PIK3R1: variants seen among roughly 807,000 people sequenced by gnomAD.
The protein encoded by PIK3R1 is phosphoinositide-3-kinase regulatory subunit 1.
A neutral mutation model predicts 98.0 loss-of-function variants in PIK3R1; 29 were observed. The observed-to-expected ratio is 0.30, with a 90% CI of 0.22 to 0.40. The LOEUF is 0.40. Among genes scored for constraint, PIK3R1 ranks in the 10% least tolerant of loss-of-function variants. PIK3R1 has a pLI of 1.00. For missense variants in PIK3R1, 596 were observed against 872.7 expected (o/e 0.68, Z 3.99); for synonymous variants, 282 against 311.8 (o/e 0.90, Z 1.01).
At chr5:68,282,821 T>C (rs1746905731) in intron 7 of PIK3R1, among the ~76,000 whole-genome samples, 2 of 152,230 alleles carry the variant, frequency 1.3e-5, no homozygotes, top group South Asian at 4.1e-4. Context: ...CCAGTATTTA[T>C]GTGGCCTCTT....
At position 68,300,793 on chromosome 5, in the gene PIK3R1, T is replaced by TA. The variant is rs550016061; in HGVS notation, c.*3193dup. ...CCTTTGAGGTTGCTTTGTTTTGTCTTACAAAGGTGAAAATTGTTTGTAAGT... is the reference window on the plus strand; with the variant it reads ...CCTTTGAGGTTGCTTTGTTTTGTCTTAACAAAGGTGAAAATTGTTTGTAAGT... On this transcript the variant is annotated 3_prime_UTR_variant, in exon 16 of 16. Transcript: ENST00000521381. The TA allele has an allele frequency of 4.3e-6, 1 of 233,170 alleles. No individual in the cohort carries two copies. The highest frequency in any genetic ancestry group is 8.5e-6 in the Non-Finnish European group (1 of 118,054). The allele number at this position is 233,170 out of a possible 1,614,324, so 14.4% of individuals were successfully genotyped here.
At chr5:68,231,480 C>G (rs1744473234) in intron 2 of PIK3R1, among the ~76,000 whole-genome samples, 1 of 152,190 alleles carries the variant, frequency 6.6e-6, no homozygotes, top group African/African-American at 2.4e-5. Flanking sequence ...CATGGTTTCC[C>G]AAGGCATGTT....
chr5:68,299,433 CG>C lies in PIK3R1; in HGVS notation c.*1839del, dbSNP rs111804580. On this transcript the variant is annotated 3_prime_UTR_variant, in exon 16 of 16. Transcript: ENST00000521381. ...TCTAATCATTGTATGTGCTTCACTA[CG>C]GGGGGGAGAAGGAAACGTTAGCATC... The C allele has an allele frequency of 9.9e-4, 230 of 233,042 alleles. 1 individual carries two copies. The highest frequency in any genetic ancestry group is 4.7e-3 in the African/African-American group (213 of 45,270). The allele number at this position is 233,042 out of a possible 1,614,324, so 14.4% of individuals were successfully genotyped here. A position where few individuals can be genotyped will look rare whatever the true frequency, so the allele number is the denominator to read the frequency against.
chr5:68,290,897 C>A, intron 7 of PIK3R1: 3 of 1,074,162 alleles, frequency 2.8e-6, no homozygotes, highest in Non-Finnish European at 4.1e-6. Context: ...TTTTCGAAAG[C>A]TACTGTAAAA....
intron 2 of PIK3R1, among the ~76,000 whole-genome samples, chr5:68,253,737 A>G (rs943614166): frequency 3.9e-5 from 6 of 152,200 alleles, no homozygotes; most frequent in African/African-American, 1.4e-4. Flanking sequence ...GAGCTTGGGG[A>G]TTGGCGAAAT....
intron 1 of PIK3R1, chr5:68,217,351 G>A (rs145717872): frequency 1.2e-4 from 18 of 152,270 alleles, no homozygotes; most frequent in African/African-American, 4.3e-4. Context: ...TGGGCAGACA[G>A]GTTCATTTCT....
intron 1 of PIK3R1, among the ~76,000 whole-genome samples, chr5:68,223,447 C>T (rs1003558857): frequency 6.6e-6 from 1 of 151,734 alleles, no homozygotes; most frequent in Non-Finnish European, 1.5e-5. Context: ...GAATTAACGT[C>T]TGCATCAATG....
At chr5:68,278,210 T>C (rs570696296) in intron 4 of PIK3R1, among the ~76,000 whole-genome samples, 1 of 152,190 alleles carries the variant, frequency 6.6e-6, no homozygotes, top group African/African-American at 2.4e-5. Context: ...TTGACCTGTT[T>C]CCCAGCTGAG....
chr5:68,286,706 G>A (rs1311314370), intron 7 of PIK3R1, among the ~76,000 whole-genome samples: 1 of 152,192 alleles, frequency 6.6e-6, no homozygotes, highest in Non-Finnish European at 1.5e-5. Flanking sequence ...CGTTGAGAGA[G>A]TACTGCTTTC....
At chr5:68,279,551 G>A in intron 4 of PIK3R1, 51 bp from the exon 5 acceptor site, 1 of 1,433,518 alleles carries the variant, frequency 7.0e-7, no homozygotes. Context: ...TAGCCCAACT[G>A]ATGTATTCTA....
chr5:68,275,546 C>G lies in PIK3R1; in HGVS notation c.502+1533C>G, dbSNP rs533900173. ...AAAAAAAAAAAAAAACTCTTCACAC[C>G]ACTCGTGAGATAGAGTCAACAACCA... On this transcript the variant is annotated intron_variant, in intron 4 of 15. Coordinates refer to ENST00000521381, the MANE Select transcript of PIK3R1 (RefSeq NM_181523.3). Among the ~76,000 whole-genome samples, 5 of 151,704 alleles carry G rather than the reference C, an allele frequency of 3.3e-5. No homozygotes were observed. In the East Asian group the frequency reaches 9.7e-4, roughly 29 times the overall value.
In PIK3R1 at chr5:68,297,643, T is replaced by TGAGCCCTTTGCTTTCCA; in HGVS notation, c.*45_*46insCCCTTTGCTTTCCAGAG. Reference sequence around the variant, plus strand: ...TCCTTCTCCTGAAGTTCAGCCACCCTGAGGCCTCTGGAAAGCAAAGGGCTC... The same window carrying TGAGCCCTTTGCTTTCCA: ...TCCTTCTCCTGAAGTTCAGCCACCCTGAGCCCTTTGCTTTCCAGAGGCCTCTGGAAAGCAAAGGGCTC... On this transcript the variant is annotated 3_prime_UTR_variant, in exon 16 of 16. Coordinates refer to ENST00000521381, the MANE Select transcript of PIK3R1 (RefSeq NM_181523.3). The TGAGCCCTTTGCTTTCCA allele has an allele frequency of 6.4e-7, 1 of 1,558,146 alleles. No homozygotes were observed. The highest frequency in any genetic ancestry group is 1.4e-5 in the African/African-American group (1 of 73,494).
chr5:68,238,628 A>G (rs1580186953), intron 2 of PIK3R1, among the ~76,000 whole-genome samples: 2 of 152,208 alleles, frequency 1.3e-5, no homozygotes, highest in Admixed American at 6.5e-5. Context: ...TAATGAGCTG[A>G]AAATAAAGTC....
intron 2 of PIK3R1, among the ~76,000 whole-genome samples, chr5:68,263,166 CAT>C (rs1338267325): frequency 6.6e-4 from 95 of 144,500 alleles, no homozygotes; most frequent in Non-Finnish European, 1.3e-3. Flanking sequence ...CATATATCTA[CAT>C]ATATATCTAT....
At chr5:68,233,808 T>C (rs1744567007) in intron 2 of PIK3R1, among the ~76,000 whole-genome samples, 1 of 152,252 alleles carries the variant, frequency 6.6e-6, no homozygotes, top group African/African-American at 2.4e-5. Context: ...TAATTATGTA[T>C]GCAGAACTTT....
chr5:68,286,969 T>C (rs1688971816), intron 7 of PIK3R1, among the ~76,000 whole-genome samples: 1 of 152,250 alleles, frequency 6.6e-6, no homozygotes, highest in African/African-American at 2.4e-5. Flanking sequence ...ACTTATAGAC[T>C]GTTATTTCCA....
chr5:68,262,302 T>G (rs916470276), intron 2 of PIK3R1, among the ~76,000 whole-genome samples: 2 of 151,076 alleles, frequency 1.3e-5, no homozygotes, highest in African/African-American at 4.9e-5. Context: ...AATTCACTCA[T>G]TACTCAAATA....
At chr5:68,268,317 G>A (rs753257744) in intron 2 of PIK3R1, among the ~76,000 whole-genome samples, 23 of 151,362 alleles carry the variant, frequency 1.5e-4, no homozygotes, top group Non-Finnish European at 2.9e-4. Flanking sequence ...TGTTTTTTTT[G>A]CTTTGTTTTT....
chr5:68,219,553 A>G (rs537188310), intron 1 of PIK3R1, among the ~76,000 whole-genome samples: 1 of 152,364 alleles, frequency 6.6e-6, no homozygotes, highest in East Asian at 1.9e-4. Context: ...ACACACATGT[A>G]CACATCCCTT....
Sources: allele counts gnomAD v4.1 joint callset (sites outside exome capture counted in the v4.1 genomes callset), GRCh38; gene constraint gnomAD v4.1.1; transcripts MANE v1.5; gene names NCBI Gene and HGNC (gene_info 2026-07-23, HGNC 2026-07-21).